Variants in TSNARE1 observed in about 807,000 individuals in gnomAD.
TSNARE1 encodes t-SNARE domain containing 1, also known as t-SNARE domain-containing protein 1.
A neutral mutation model predicts 62.0 loss-of-function variants in TSNARE1; 49 were observed. The observed-to-expected ratio is 0.79, with a 90% CI of 0.63 to 1.00. TSNARE1 has a LOEUF of 1.00. Ranked by LOEUF, TSNARE1 falls within the 50% of genes least tolerant of loss-of-function variation. The pLI is 0.00. For synonymous variants in TSNARE1, 328 were observed against 294.4 expected (o/e 1.11, Z -1.17); for missense variants, 755 against 700.1 (o/e 1.08, Z -0.88).
intron 1 of TSNARE1, among the ~76,000 whole-genome samples, chr8:142,395,368 C>A (rs571626574): frequency 6.6e-6 from 1 of 152,288 alleles, no homozygotes; most frequent in Admixed American, 6.5e-5. Context: ...CTGACGGCGT[C>A]CCCCAGCGGA....
intron 4 of TSNARE1, among the ~76,000 whole-genome samples, chr8:142,341,911 C>G (rs1180657181): frequency 6.6e-6 from 1 of 152,212 alleles, no homozygotes; most frequent in Non-Finnish European, 1.5e-5. Context: ...AGGACTTCTT[C>G]ATGTAAAAGC....
At chr8:142,345,605 G>T in intron 3 of TSNARE1, 138 bp downstream of exon 3, 1 of 1,036,310 alleles carries the variant, frequency 9.6e-7, no homozygotes, top group Non-Finnish European at 1.4e-6. Flanking sequence ...CTGGCAGGGG[G>T]CAGGGGATGC....
chr8:142,242,143 C>G (rs34894263), intron 12 of TSNARE1, among the ~76,000 whole-genome samples: 1 of 27,118 alleles, frequency 3.7e-5, no homozygotes, highest in African/African-American at 3.3e-4. Context: ...AAACTCTAAA[C>G]CTACGATCTC....
In TSNARE1 at chr8:142,291,653, C is replaced by T. The variant is rs1823769624; in HGVS notation, c.1291-7168G>A. Among the ~76,000 whole-genome samples, 1 of 152,212 alleles carries T rather than the reference C, an allele frequency of 6.6e-6. No individual in the cohort carries two copies. The highest frequency in any genetic ancestry group is 2.1e-4 in the South Asian group (1 of 4,832). ...TGACGGGAACAGGCAACGCCGTTGC[C>T]TCCGCGGGCTTACGCTCGAGTGGCG... On this transcript the variant is annotated intron_variant, in intron 10 of 13. Transcript: ENST00000524325. This position sits in a 1 kb window ranked among gnomAD's most constrained non-coding sequence, Gnocchi z 4.8.
intron 6 of TSNARE1, 54 bp downstream of exon 6, chr8:142,330,847 C>T (rs1830922849): frequency 4.4e-6 from 7 of 1,578,162 alleles, no homozygotes; most frequent in Non-Finnish European, 6.1e-6. Flanking sequence ...CCCGCCCCTG[C>T]CCCCCAATGT....
chr8:142,299,834 T>C (rs1423355307), intron 10 of TSNARE1, among the ~76,000 whole-genome samples: 2 of 152,256 alleles, frequency 1.3e-5, no homozygotes, highest in East Asian at 3.8e-4. Context: ...TTTTAGCAAC[T>C]GTCTTAAGAG....
Position 142,349,611 on chromosome 8 carries a change from G to A in TSNARE1, c.89-3719C>T, listed in dbSNP as rs531970271. Among the ~76,000 whole-genome samples the A allele has an allele frequency of 5.3e-5, 8 of 152,302 alleles. No individual in the cohort carries two copies. The South Asian group carries it at 1.0e-3, about 20-fold the overall frequency. On this transcript the variant is annotated intron_variant, in intron 2 of 13. Coordinates refer to ENST00000524325, the MANE Select transcript of TSNARE1 (RefSeq NM_145003.5). ...CCTGTGGAACTGCCAGGTCTCTGTC[G>A]ATACTGACTATAAAAGAAGACAGAG...
At chr8:142,391,633 C>T (rs1030144433) in intron 1 of TSNARE1, among the ~76,000 whole-genome samples, 2 of 152,238 alleles carry the variant, frequency 1.3e-5, no homozygotes, top group African/African-American at 2.4e-5. Context: ...CTCATCCAGA[C>T]GCGGGTGCTC....
intron 6 of TSNARE1, among the ~76,000 whole-genome samples, chr8:142,325,631 T>C (rs1045724485): frequency 6.6e-6 from 1 of 151,950 alleles, no homozygotes; most frequent in Admixed American, 6.6e-5. Flanking sequence ...AGACCCCAGG[T>C]CAGTCCAGAA....
At position 142,277,083 on chromosome 8, in the gene TSNARE1, T is replaced by A. The variant is rs559453648; in HGVS notation, c.1364-2220A>T. 35 of 985,348 alleles carry A rather than the reference T, an allele frequency of 3.6e-5. No homozygotes were observed. In the South Asian group the frequency reaches 1.5e-3, roughly 41 times the overall value. The allele number at this position is 985,348 out of a possible 1,614,324, so 61.0% of individuals were successfully genotyped here. ...TACTGAGCGACACTCCAATACCTCATCAGCCATCAGCCCTGGGCCCAGTGG... is the reference window on the plus strand; with the variant it reads ...TACTGAGCGACACTCCAATACCTCAACAGCCATCAGCCCTGGGCCCAGTGG... On this transcript the variant is annotated intron_variant, in intron 11 of 13. Coordinates refer to ENST00000524325, the MANE Select transcript of TSNARE1 (RefSeq NM_145003.5).
chr8:142,325,683 G>A (rs934714993), intron 6 of TSNARE1, among the ~76,000 whole-genome samples: 1 of 152,212 alleles, frequency 6.6e-6, no homozygotes, highest in African/African-American at 2.4e-5. Flanking sequence ...GGGCTGGAGG[G>A]ACACCTGGGG....
intron 11 of TSNARE1, chr8:142,277,718 G>A: frequency 1.0e-6 from 1 of 985,446 alleles, no homozygotes; most frequent in Non-Finnish European, 1.2e-6. Context: ...GTGCTGCAGG[G>A]GAGCCCAGCG....
chr8:142,303,048 G>T (rs1826032044), intron 9 of TSNARE1, among the ~76,000 whole-genome samples: 1 of 152,136 alleles, frequency 6.6e-6, no homozygotes, highest in Non-Finnish European at 1.5e-5. Context: ...GGGCATCTGG[G>T]GACATGGGCT....
intron 1 of TSNARE1, among the ~76,000 whole-genome samples, chr8:142,363,863 T>C (rs1343145539): frequency 6.6e-6 from 1 of 152,120 alleles, no homozygotes; most frequent in East Asian, 1.9e-4. Flanking sequence ...GATGGTGCCT[T>C]GCGTCTGGTC....
Position 142,277,238 on chromosome 8 carries a change from T to C in TSNARE1, c.1364-2375A>G, listed in dbSNP as rs531518036. The C allele has an allele frequency of 1.2e-4, 120 of 984,850 alleles. 1 individual carries two copies. In the African/African-American group the frequency reaches 1.9e-3, roughly 15 times the overall value. The allele number at this position is 984,850 out of a possible 1,614,324, so 61.0% of individuals were successfully genotyped here. ...CTTGCACATCCCCTGACTCCAGGAG[T>C]CCAAGGGATACCCAAGCACTAGGCC... On this transcript the variant is annotated intron_variant, in intron 11 of 13. Transcript: ENST00000524325.
chr8:142,381,468 G>GCCCCCCCCC (rs542900493), intron 1 of TSNARE1, among the ~76,000 whole-genome samples: 1 of 150,692 alleles, frequency 6.6e-6, no homozygotes. Context: ...ACCTATCAGC[G>GCCCCCCCCC]CCCCCCCCCA....
intron 13 of TSNARE1, among the ~76,000 whole-genome samples, chr8:142,218,222 G>A (rs916094597): frequency 2.7e-5 from 4 of 148,028 alleles, no homozygotes; most frequent in Non-Finnish European, 4.5e-5. Context: ...AGGGCTTAAC[G>A]TGTGACCAAG....
intron 12 of TSNARE1, among the ~76,000 whole-genome samples, chr8:142,267,761 C>T (rs1265416807): frequency 6.6e-6 from 1 of 152,234 alleles, no homozygotes; most frequent in Non-Finnish European, 1.5e-5. Flanking sequence ...ACCCACCATC[C>T]TCCTAATCTC....
rs767619996 is a variant in TSNARE1, at chr8:142,300,527, C to T, written c.1249G>A (p.Glu417Lys). ...GCCTCCTCCCGCAGCCGGATGGCCT[C>T]CAGGTCCTCTTCAGTGATGTCCGGG... The part of the protein sequence containing the change: ...LLPDITEEDL[E>K]AIRLREEAIL... The change falls in exon 10 of 14, where the codon GAG (glutamate) becomes AAG (lysine). Residue 417 changes from glutamate to lysine, a missense_variant. By Grantham distance (56) the Glu-to-Lys change is moderately conservative. Coordinates refer to ENST00000524325, the MANE Select transcript of TSNARE1 (RefSeq NM_145003.5). 2.7e-5 allele frequency: 44 copies of T among 1,610,748 alleles called. No individual in the cohort carries two copies. The South Asian group carries it at 2.9e-4, about 10-fold the overall frequency.
Sources: allele counts gnomAD v4.1 joint callset (sites outside exome capture counted in the v4.1 genomes callset), GRCh38; gene constraint gnomAD v4.1.1; non-coding constraint Gnocchi (gnomAD v3.1); transcripts MANE v1.5; gene names NCBI Gene and HGNC (gene_info 2026-07-23, HGNC 2026-07-21).